The following REDIC1 variants were observed in gnomAD, a reference collection of about 807,000 sequenced individuals.
The protein encoded by REDIC1 is regulator of DNA class I crossover intermediates 1.
At chr12:39,677,553 GA>G in the REDIC1 span, among the ~76,000 whole-genome samples, 1 of 152,014 alleles carries the variant, frequency 6.6e-6, no homozygotes, top group Non-Finnish European at 1.5e-5. Flanking sequence ...AGTCAACAAA[GA>G]AACAATAGGC....
the REDIC1 span, among the ~76,000 whole-genome samples, chr12:39,681,352 T>C: frequency 6.6e-6 from 1 of 152,124 alleles, no homozygotes; most frequent in Admixed American, 6.6e-5. Flanking sequence ...GATAAAAGAC[T>C]ATACATTGGG....
At chr12:39,698,431 G>C in the REDIC1 span, among the ~76,000 whole-genome samples, 11 of 152,066 alleles carry the variant, frequency 7.2e-5, no homozygotes, top group Admixed American at 2.0e-4. Context: ...TTCAGCATTA[G>C]ACAGATCTTC....
At chr12:39,844,648 A>G in the REDIC1 span, among the ~76,000 whole-genome samples, 1 of 152,070 alleles carries the variant, frequency 6.6e-6, no homozygotes, top group Admixed American at 6.6e-5. Flanking sequence ...ACTCATTTAA[A>G]CACAACTGGA....
chr12:39,680,301 C>CA, the REDIC1 span, among the ~76,000 whole-genome samples: 2 of 151,908 alleles, frequency 1.3e-5, no homozygotes, highest in Admixed American at 6.6e-5. Context: ...GTAATCCCAT[C>CA]AAAAAATGGG....
the REDIC1 span, among the ~76,000 whole-genome samples, chr12:39,631,526 GATAA>G: frequency 6.6e-6 from 1 of 151,848 alleles, no homozygotes; most frequent in Non-Finnish European, 1.5e-5. Context: ...TCTAAATTTA[GATAA>G]ATATTTAAAA....
the REDIC1 span, among the ~76,000 whole-genome samples, chr12:39,801,250 A>T: frequency 7.6e-4 from 36 of 47,178 alleles, no homozygotes; most frequent in South Asian, 2.3e-3. Flanking sequence ...GTATAATTAA[A>T]AAAAAAATCA....
At chr12:39,881,493 C>T in the REDIC1 span, among the ~76,000 whole-genome samples, 1 of 152,106 alleles carries the variant, frequency 6.6e-6, no homozygotes, top group Non-Finnish European at 1.5e-5. Flanking sequence ...TTTCACCTCG[C>T]CTCATCATGT....
the REDIC1 span, among the ~76,000 whole-genome samples, chr12:39,864,243 T>C: frequency 3.3e-5 from 5 of 152,238 alleles, no homozygotes; most frequent in South Asian, 1.0e-3. Flanking sequence ...TTTTGTTTTC[T>C]TTCACCATCA....
chr12:39,713,333 TAC>T, the REDIC1 span, among the ~76,000 whole-genome samples: 4 of 143,554 alleles, frequency 2.8e-5, no homozygotes, highest in Admixed American at 2.7e-4. Context: ...TATACACATA[TAC>T]GTGTATATAT....
chr12:39,628,854 A>G, the REDIC1 span, among the ~76,000 whole-genome samples: 2 of 152,178 alleles, frequency 1.3e-5, no homozygotes, highest in Non-Finnish European at 2.9e-5. Context: ...TTTATATACA[A>G]ATATTATTCC....
At chr12:39,896,380 G>T in the REDIC1 span, among the ~76,000 whole-genome samples, 1 of 134,438 alleles carries the variant, frequency 7.4e-6, no homozygotes, top group South Asian at 2.3e-4. Flanking sequence ...ATACATATAT[G>T]TATGTATATG....
the REDIC1 span, among the ~76,000 whole-genome samples, chr12:39,669,763 T>G: frequency 3.9e-5 from 6 of 152,088 alleles, no homozygotes; most frequent in African/African-American, 1.4e-4. Flanking sequence ...TGGGCGCCCC[T>G]CCCAGCCTGG....
At chr12:39,870,287 A>G in the REDIC1 span, among the ~76,000 whole-genome samples, 4,117 of 152,266 alleles carry the variant, frequency 0.027, 175 homozygotes, top group African/African-American at 0.094. Context: ...AGCAGCTATT[A>G]TCTCTTCTTA....
chr12:39,686,819 C>G, the REDIC1 span, among the ~76,000 whole-genome samples: 1 of 152,202 alleles, frequency 6.6e-6, no homozygotes, highest in African/African-American at 2.4e-5. Context: ...TTTGCTCACA[C>G]ATATGAACAT....
the REDIC1 span, among the ~76,000 whole-genome samples, chr12:39,863,787 AC>A: frequency 4.6e-5 from 7 of 152,194 alleles, no homozygotes; most frequent in Non-Finnish European, 8.8e-5. Flanking sequence ...ACAATTTGGA[AC>A]CAATATATCT....
chr12:39,651,451 A>G, the REDIC1 span, among the ~76,000 whole-genome samples: 2 of 151,082 alleles, frequency 1.3e-5, no homozygotes, highest in Admixed American at 6.6e-5. Context: ...TGACTCTGTC[A>G]TACTATCCTA....
the REDIC1 span, among the ~76,000 whole-genome samples, chr12:39,888,131 G>A: frequency 2.0e-5 from 3 of 152,166 alleles, no homozygotes; most frequent in Non-Finnish European, 2.9e-5. Context: ...GTGCCATCTG[G>A]GCAGGCTGCT....
At chr12:39,668,296 TA>T in the REDIC1 span, among the ~76,000 whole-genome samples, 2 of 152,216 alleles carry the variant, frequency 1.3e-5, no homozygotes, top group African/African-American at 4.8e-5. Flanking sequence ...TGCTTGTCTG[TA>T]AAGGATTTGA....
the REDIC1 span, chr12:39,760,170 T>G: frequency 6.2e-7 from 1 of 1,612,820 alleles, no homozygotes; most frequent in Non-Finnish European, 8.5e-7. Flanking sequence ...TTTCCTCTAA[T>G]TTTTTGCCTT....
Sources: allele counts gnomAD v4.1 joint callset (sites outside exome capture counted in the v4.1 genomes callset), GRCh38; gene constraint gnomAD v4.1.1; transcripts MANE v1.5; gene names NCBI Gene and HGNC (gene_info 2026-07-23, HGNC 2026-07-21).